Variants in SCAF11 observed in about 807,000 individuals in gnomAD.
The protein encoded by SCAF11 is SR-related CTD associated factor 11.
SCAF11 carries 47 observed loss-of-function variants against 140.5 expected under a neutral mutation model. That is an observed-to-expected ratio of 0.33 (90% confidence interval 0.26 to 0.43). The LOEUF (loss-of-function observed/expected upper bound fraction) is 0.43. SCAF11 is among the 20% of genes least tolerant of loss of function. The pLI is 1.00. For missense variants in SCAF11, 1,645 were observed against 1,705.1 expected (o/e 0.96, Z 0.62); for synonymous variants, 557 against 579.4 (o/e 0.96, Z 0.55).
At chr12:45,923,952 GCAAT>G (rs1944779155) in intron 12 of SCAF11, among the ~76,000 whole-genome samples, 1 of 152,086 alleles carries the variant, frequency 6.6e-6, no homozygotes, top group Non-Finnish European at 1.5e-5. Flanking sequence ...CTGGGTTCAA[GCAAT>G]TCTCCTGCCT....
At chr12:45,983,441 C>G (rs1946389183) in intron 1 of SCAF11, among the ~76,000 whole-genome samples, 1 of 152,050 alleles carries the variant, frequency 6.6e-6, no homozygotes, top group Non-Finnish European at 1.5e-5. Flanking sequence ...TTCTGGCATG[C>G]CTTTCCACAT....
intron 1 of SCAF11, among the ~76,000 whole-genome samples, chr12:45,971,516 T>G (rs1946072318): frequency 6.6e-6 from 1 of 152,172 alleles, no homozygotes; most frequent in African/African-American, 2.4e-5. Context: ...GTTTACCACC[T>G]TTTCTCCATC....
In SCAF11 at chr12:45,928,493, T is replaced by C. The variant is rs1472697257; in HGVS notation, c.1208A>G (p.Asn403Ser). 8 of 1,613,396 alleles carry C rather than the reference T, an allele frequency of 5.0e-6. No homozygotes were observed. The highest frequency in any genetic ancestry group is 5.9e-6 in the Non-Finnish European group (7 of 1,179,804). Residue 403 changes from asparagine to serine, a missense_variant, in exon 11 of 15, where the codon AAT (asparagine) becomes AGT (serine). Physicochemically the swap from Asn to Ser is conservative, Grantham distance 46 (BLOSUM62 1). Transcript: ENST00000369367. ...TGCTGTTTCTTCATCTACTGAATCATTGGAAGATGATTTTTCAGGGGCAGC... is the reference window on the plus strand; with the variant it reads ...TGCTGTTTCTTCATCTACTGAATCACTGGAAGATGATTTTTCAGGGGCAGC... ...SVAAPEKSSS[N>S]DSVDEETAES...
At chr12:45,934,530 G>T in intron 6 of SCAF11, 25 bp from the exon 7 acceptor site, 2 of 1,488,172 alleles carry the variant, frequency 1.3e-6, no homozygotes, top group South Asian at 1.4e-5. Context: ...AAAAGGACTT[G>T]GTTACCTTGT....
Position 45,934,495 on chromosome 12 carries a change from T to C in SCAF11, c.474A>G (p.Leu158=), listed in dbSNP as rs754170486. The C allele has an allele frequency of 6.3e-7, 1 of 1,588,046 alleles. No homozygotes were observed. The highest frequency in any genetic ancestry group is 8.5e-7 in the Non-Finnish European group (1 of 1,171,822). ...TTTTCTTTCCTCCTGTTTCACTGTA[T>C]AAAGAGTTTCCTGTACAAAGACATA... is the stretch of plus-strand genomic sequence containing the variant. The part of the protein sequence containing the change: ...CDLKWIHRNS[L]YSETGGKKNA... The change falls in exon 7 of 15, where the codon TTA becomes TTG. Residue 158 remains leucine, a synonymous_variant. Coordinates refer to ENST00000369367, the MANE Select transcript of SCAF11 (RefSeq NM_004719.3).
At chr12:45,990,204 G>T in intron 1 of SCAF11, 149 bp downstream of exon 1, 2 of 1,121,090 alleles carry the variant, frequency 1.8e-6, no homozygotes, top group Non-Finnish European at 2.2e-6. Context: ...CCCAGCGCAC[G>T]ACGTCGCACG....
At chr12:45,971,859 G>T (rs779620226) in intron 1 of SCAF11, among the ~76,000 whole-genome samples, 11 of 152,072 alleles carry the variant, frequency 7.2e-5, no homozygotes, top group Non-Finnish European at 1.3e-4. Context: ...AAAAAACTCT[G>T]GGCCAATCTT....
At position 45,990,223 on chromosome 12, in the gene SCAF11, G is replaced by C. The variant is rs892976657; in HGVS notation, c.-22+130C>G. ...GCGCACGACGTCGCACGGGCCGCGC[G>C]AGATTCCGAAACTTTGTCAGCCCTC... is the stretch of plus-strand genomic sequence containing the variant. On this transcript the variant is annotated intron_variant, in intron 1 of 14. Coordinates refer to ENST00000369367, the MANE Select transcript of SCAF11 (RefSeq NM_004719.3). The C allele has an allele frequency of 4.4e-5, 52 of 1,194,380 alleles. No homozygotes were observed. In the East Asian group the frequency reaches 1.7e-3, roughly 38 times the overall value. The allele number at this position is 1,194,380 out of a possible 1,614,324, so 74.0% of individuals were successfully genotyped here. A position where few individuals can be genotyped will look rare whatever the true frequency, so the allele number is the denominator to read the frequency against.
chr12:45,929,148 A>ATT, intron 10 of SCAF11: 35 of 155,782 alleles, frequency 2.2e-4, no homozygotes, highest in East Asian at 7.3e-4. Flanking sequence ...TACTTGCTTA[A>ATT]TTTTTTTTTT....
At chr12:45,949,079 G>A (rs1258545762) in intron 4 of SCAF11, among the ~76,000 whole-genome samples, 2 of 152,178 alleles carry the variant, frequency 1.3e-5, no homozygotes, top group Admixed American at 6.6e-5. Flanking sequence ...TTTAAAGCAA[G>A]TGAATGCGAT....
intron 6 of SCAF11, among the ~76,000 whole-genome samples, chr12:45,939,780 C>T (rs1592181737): frequency 6.6e-6 from 1 of 152,130 alleles, no homozygotes; most frequent in Non-Finnish European, 1.5e-5. Context: ...AAAATCTAAC[C>T]AATCAATCCT....
Position 45,927,070 on chromosome 12 carries a change from T to A in SCAF11, c.2631A>T (p.Arg877Ser). 6.2e-7 allele frequency: 1 copy of A among 1,614,158 alleles called. No homozygotes were observed. Among genetic ancestry groups the A allele is most frequent in the Non-Finnish European group, 8.5e-7 (1 of 1,180,010 alleles). Residue 877 changes from arginine (R) to serine (S), a missense_variant, in exon 11 of 15, where the codon AGA (arginine) becomes AGT (serine). Transcript: ENST00000369367. ...CTCTTCTTGGGGACAGTGATTCAGA[T>A]CTTCTGCTTTCCCTAGTAGTATCCC... ...PKRDTTRESRRSESLSPRRET... is the reference protein window; with the variant it reads ...PKRDTTRESRSSESLSPRRET...
intron 4 of SCAF11, among the ~76,000 whole-genome samples, chr12:45,949,820 T>C (rs1945509907): frequency 1.3e-5 from 2 of 152,114 alleles, no homozygotes; most frequent in Non-Finnish European, 2.9e-5. Flanking sequence ...AGTAAAGAAG[T>C]CTAGGACAGT....
chr12:45,950,153 T>C (rs1464975530), intron 4 of SCAF11, among the ~76,000 whole-genome samples: 1 of 152,128 alleles, frequency 6.6e-6, no homozygotes, highest in Non-Finnish European at 1.5e-5. Context: ...AATGTGGAAG[T>C]CTGAGCCTGG....
chr12:45,956,978 G>GA (rs557778217), intron 3 of SCAF11, among the ~76,000 whole-genome samples: 2 of 152,132 alleles, frequency 1.3e-5, no homozygotes, highest in African/African-American at 2.4e-5. Context: ...TGGTGGATCT[G>GA]AAAAAATTAG....
At chr12:45,923,727 G>A (rs1490738371) in intron 12 of SCAF11, among the ~76,000 whole-genome samples, 1 of 152,054 alleles carries the variant, frequency 6.6e-6, no homozygotes, top group Admixed American at 6.5e-5. Flanking sequence ...CTGTCTCCCA[G>A]GCTGGAGTGC....
intron 12 of SCAF11, among the ~76,000 whole-genome samples, chr12:45,924,125 G>A (rs925309519): frequency 6.6e-5 from 10 of 152,198 alleles, no homozygotes; most frequent in Admixed American, 2.0e-4. Flanking sequence ...ACAGGCGTGA[G>A]CCACCATGCC....
At chr12:45,944,486 A>G (rs1945375036) in intron 6 of SCAF11, among the ~76,000 whole-genome samples, 1 of 152,246 alleles carries the variant, frequency 6.6e-6, no homozygotes, top group African/African-American at 2.4e-5. Flanking sequence ...TTAAAACAAT[A>G]AATTAATTCT....
intron 3 of SCAF11, among the ~76,000 whole-genome samples, chr12:45,959,401 C>T (rs867284153): frequency 2.0e-5 from 3 of 152,118 alleles, no homozygotes; most frequent in Admixed American, 6.5e-5. Context: ...TCTTGTATAG[C>T]AAATAAATAT....
Sources: gnomAD v4.1 joint callset for allele counts (sites outside exome capture counted in the v4.1 genomes callset) on GRCh38, gnomAD v4.1.1 for gene constraint, MANE v1.5 for transcripts, NCBI Gene and HGNC (gene_info 2026-07-23, HGNC 2026-07-21) for gene names.